Variants in GREB1L observed in about 807,000 individuals in gnomAD.
The protein encoded by GREB1L is GREB1-like protein.
A neutral mutation model predicts 200.8 loss-of-function variants in GREB1L; 17 were observed. The ratio of observed to expected loss-of-function variants is 0.08; its 90% CI spans 0.06 to 0.13. The LOEUF (loss-of-function observed/expected upper bound fraction) is 0.13. Among genes scored for constraint, GREB1L ranks in the 10% least tolerant of loss-of-function variants. The pLI, the probability that GREB1L is intolerant of heterozygous loss-of-function variation, is 1.00. For missense variants in GREB1L, 1,657 were observed against 2,367.7 expected, an observed-to-expected ratio of 0.70 and a Z score of 6.23; for synonymous variants, 789 against 893.0, an observed-to-expected ratio of 0.88 and a Z score of 2.08.
intron 1 of GREB1L, among the ~76,000 whole-genome samples, chr18:21,305,210 G>A (rs151100942): frequency 4.6e-5 from 7 of 151,982 alleles, no homozygotes; most frequent in East Asian, 1.9e-4. Flanking sequence ...TCTTGACCTC[G>A]TGATCCACCT....
intron 1 of GREB1L, among the ~76,000 whole-genome samples, chr18:21,338,373 C>T (rs1360676768): frequency 6.6e-6 from 1 of 152,260 alleles, no homozygotes; most frequent in Non-Finnish European, 1.5e-5. Context: ...CCACACCAGT[C>T]ACATCAGGGA....
At chr18:21,405,811 A>G (rs2030139899) in intron 7 of GREB1L, among the ~76,000 whole-genome samples, 1 of 152,040 alleles carries the variant, frequency 6.6e-6, no homozygotes, top group Admixed American at 6.6e-5. Flanking sequence ...AAAAGAAAAA[A>G]AACTAATATA....
intron 15 of GREB1L, among the ~76,000 whole-genome samples, chr18:21,465,699 G>T (rs2035237381): frequency 6.6e-6 from 1 of 152,082 alleles, no homozygotes; most frequent in Non-Finnish European, 1.5e-5. Flanking sequence ...ATGGAATTCT[G>T]TAGAGTTATT....
chr18:21,372,579 G>A (rs574469518), intron 2 of GREB1L, among the ~76,000 whole-genome samples: 1 of 152,116 alleles, frequency 6.6e-6, no homozygotes, highest in African/African-American at 2.4e-5. Context: ...CAGTGTGGCC[G>A]AAGATGGCTT....
chr18:21,254,887 T>C (rs1291252369), intron 1 of GREB1L, among the ~76,000 whole-genome samples: 1 of 152,168 alleles, frequency 6.6e-6, no homozygotes, highest in African/African-American at 2.4e-5. Context: ...CCTACACACA[T>C]TGATGTCCCA....
chr18:21,245,522 A>G (rs933135290), intron 1 of GREB1L, among the ~76,000 whole-genome samples: 6 of 152,144 alleles, frequency 3.9e-5, no homozygotes, highest in African/African-American at 1.4e-4. Context: ...GAATATTTTT[A>G]CAAATGTTTT....
In GREB1L at chr18:21,508,527, C is replaced by T. The variant is rs1172242882; in HGVS notation, c.4671C>T (p.Tyr1557=). 5 of 1,551,826 alleles carry T rather than the reference C, an allele frequency of 3.2e-6. No homozygotes were observed. Among genetic ancestry groups the T allele is most frequent in the Admixed American group, 2.0e-5 (1 of 51,010 alleles). Residue 1557 remains tyrosine (Y), a synonymous_variant, in exon 27 of 33, where the codon TAC becomes TAT. Transcript: ENST00000424526. ...LVVKEYEMPL[Y]RKYWPNHIML... Reference sequence around the variant, plus strand: ...TCAAAGAGTATGAGATGCCTCTGTACCGCAAGTACTGGCCCAACCACATCA... The same window carrying T: ...TCAAAGAGTATGAGATGCCTCTGTATCGCAAGTACTGGCCCAACCACATCA...
chr18:21,459,155 C>T (rs745395846), intron 15 of GREB1L, among the ~76,000 whole-genome samples: 1 of 151,558 alleles, frequency 6.6e-6, no homozygotes, highest in South Asian at 2.1e-4. Flanking sequence ...TATTTGTCTG[C>T]TGATATAGAG....
chr18:21,376,425 AG>A (rs973988907), intron 2 of GREB1L, among the ~76,000 whole-genome samples: 3 of 149,144 alleles, frequency 2.0e-5, no homozygotes, highest in Admixed American at 6.7e-5. Flanking sequence ...CCTATTTTTA[AG>A]AAAAAAAAAA....
chr18:21,434,545 A>G (rs1193140707), intron 7 of GREB1L, among the ~76,000 whole-genome samples: 12 of 143,842 alleles, frequency 8.3e-5, no homozygotes, highest in Non-Finnish European at 1.5e-4. Flanking sequence ...ATATATGTGT[A>G]TATATATGTG....
intron 1 of GREB1L, among the ~76,000 whole-genome samples, chr18:21,256,868 G>T (rs2144046908): frequency 6.6e-6 from 1 of 152,090 alleles, no homozygotes. Flanking sequence ...AGCTGGGTTT[G>T]TTGGTACACG....
At position 21,371,749 on chromosome 18, in the gene GREB1L, A is replaced by T. The variant is rs1194071339; in HGVS notation, c.-10+5613A>T. Among the ~76,000 whole-genome samples, 3 of 148,980 alleles carry T rather than the reference A, an allele frequency of 2.0e-5. No individual in the cohort carries two copies. The East Asian group carries it at 5.9e-4, about 30-fold the overall frequency. On this transcript the variant is annotated intron_variant, in intron 2 of 32. Transcript: ENST00000424526. ...CAGTGAGCCGAGATCACAGCACTGC[A>T]CTCCAGCCTAGGAGACAGTTTGAGA...
chr18:21,521,730 G>A (rs1005971266), intron 32 of GREB1L, among the ~76,000 whole-genome samples: 28 of 151,932 alleles, frequency 1.8e-4, no homozygotes, highest in African/African-American at 6.5e-4. Context: ...AAGGCTAGGT[G>A]TGATGGCTCA....
chr18:21,473,576 A>G (rs1328855500), intron 16 of GREB1L, among the ~76,000 whole-genome samples: 1 of 146,112 alleles, frequency 6.8e-6, no homozygotes, highest in African/African-American at 2.6e-5. Flanking sequence ...CTCAAAAAAA[A>G]AAAAAAAAAA....
chr18:21,356,501 T>A (rs991371233), intron 1 of GREB1L, among the ~76,000 whole-genome samples: 1 of 152,258 alleles, frequency 6.6e-6, no homozygotes, highest in African/African-American at 2.4e-5. Context: ...AATAACAGGA[T>A]TTCATTCTTT....
intron 7 of GREB1L, among the ~76,000 whole-genome samples, chr18:21,416,611 G>T (rs192563681): frequency 3.3e-5 from 5 of 149,936 alleles, no homozygotes; most frequent in African/African-American, 7.3e-5. Flanking sequence ...GGAGAATGGC[G>T]TGAACCCGGG....
intron 9 of GREB1L, among the ~76,000 whole-genome samples, chr18:21,440,662 T>C (rs973497989): frequency 2.0e-5 from 3 of 152,216 alleles, no homozygotes; most frequent in African/African-American, 7.2e-5. Context: ...AGAGCATATA[T>C]GGACTTGTTT....
chr18:21,473,709 A>G (rs561884433), intron 16 of GREB1L, among the ~76,000 whole-genome samples: 1 of 151,918 alleles, frequency 6.6e-6, no homozygotes, highest in South Asian at 2.1e-4. Flanking sequence ...CATCGATTTC[A>G]TGTTGGTTTT....
chr18:21,403,743 T>C, intron 6 of GREB1L, 129 bp from the exon 7 acceptor site: 1 of 665,286 alleles, frequency 1.5e-6, no homozygotes, highest in Non-Finnish European at 2.6e-6. Flanking sequence ...GGGAAGGTGA[T>C]CTCTAATTAA....
Sources: gnomAD v4.1 joint callset for allele counts (sites outside exome capture counted in the v4.1 genomes callset) on GRCh38, gnomAD v4.1.1 for gene constraint, MANE v1.5 for transcripts, NCBI Gene and HGNC (gene_info 2026-07-23, HGNC 2026-07-21) for gene names.